The following RAVER2 variants were observed in gnomAD, a reference collection of about 807,000 sequenced individuals.
RAVER2 encodes ribonucleoprotein, PTB binding 2.
RAVER2 carries 46 observed loss-of-function variants against 78.1 expected under a neutral mutation model. The observed-to-expected ratio is 0.59, with a 90% CI of 0.46 to 0.75. The LOEUF (loss-of-function observed/expected upper bound fraction) is 0.75, where lower values mean the gene tolerates loss of function less well. Ranked by LOEUF, RAVER2 falls within the 30% of genes least tolerant of loss-of-function variation. The pLI is 0.00. For missense variants in RAVER2, 793 were observed against 837.5 expected (o/e 0.95, Z 0.66); for synonymous variants, 311 against 313.3 (o/e 0.99, Z 0.08).
intron 1 of RAVER2, among the ~76,000 whole-genome samples, chr1:64,763,750 A>C (rs1395515732): frequency 6.6e-6 from 1 of 152,010 alleles, no homozygotes; most frequent in African/African-American, 2.4e-5. Context: ...AAAAAAAACA[A>C]AAATTAGCTG....
intron 3 of RAVER2, among the ~76,000 whole-genome samples, chr1:64,780,581 T>C (rs1453457904): frequency 6.6e-6 from 1 of 152,218 alleles, no homozygotes; most frequent in Non-Finnish European, 1.5e-5. Flanking sequence ...TTCTCAAAGA[T>C]ATACTAAGCT....
At chr1:64,759,599 C>A (rs759601060) in intron 1 of RAVER2, among the ~76,000 whole-genome samples, 2 of 151,172 alleles carry the variant, frequency 1.3e-5, no homozygotes, top group Non-Finnish European at 1.5e-5. Flanking sequence ...TCACTGCAAG[C>A]TTTGCCTCCC....
intron 5 of RAVER2, among the ~76,000 whole-genome samples, chr1:64,797,912 GTTT>G (rs59410412): frequency 7.0e-6 from 1 of 142,952 alleles, no homozygotes; most frequent in Non-Finnish European, 1.5e-5. Context: ...AAGTAATGTA[GTTT>G]TTTTTTTTCT....
At chr1:64,766,645 T>C (rs1246622690) in intron 1 of RAVER2, among the ~76,000 whole-genome samples, 1 of 152,162 alleles carries the variant, frequency 6.6e-6, no homozygotes, top group African/African-American at 2.4e-5. Flanking sequence ...GCTGAATGAG[T>C]AACATAACAT....
intron 11 of RAVER2, among the ~76,000 whole-genome samples, chr1:64,820,620 G>C (rs1464161259): frequency 6.6e-6 from 1 of 152,168 alleles, no homozygotes; most frequent in African/African-American, 2.4e-5. Context: ...GTGTTCATAA[G>C]TTCTTGTCAT....
intron 1 of RAVER2, among the ~76,000 whole-genome samples, chr1:64,753,330 T>C (rs1651751726): frequency 6.6e-6 from 1 of 152,014 alleles, no homozygotes; most frequent in Non-Finnish European, 1.5e-5. Flanking sequence ...GTTGGGATTA[T>C]AGGTGTAAGC....
intron 2 of RAVER2, among the ~76,000 whole-genome samples, chr1:64,775,598 A>T (rs925627751): frequency 6.6e-5 from 10 of 152,188 alleles, no homozygotes; most frequent in African/African-American, 2.4e-4. Flanking sequence ...ACTGTGTGTG[A>T]CTCTGCCAGG....
intron 10 of RAVER2, among the ~76,000 whole-genome samples, 195 bp downstream of exon 10, chr1:64,813,044 T>C (rs1156529662): frequency 6.6e-6 from 1 of 152,218 alleles, no homozygotes; most frequent in Admixed American, 6.5e-5. Context: ...AGGAAAACAT[T>C]ACAACTCATA....
chr1:64,777,988 A>G, exon 3 of RAVER2: 2 of 1,614,130 alleles, frequency 1.2e-6, no homozygotes, highest in African/African-American at 1.3e-5. Flanking sequence ...TTCAGAGCTC[A>G]TTCATTCTAA....
chr1:64,800,762 C>A (rs549949280), intron 5 of RAVER2, among the ~76,000 whole-genome samples: 1 of 152,114 alleles, frequency 6.6e-6, no homozygotes, highest in East Asian at 1.9e-4. Context: ...TTAAACATTC[C>A]CTCCAATCCT....
Position 64,807,187 on chromosome 1 carries a change from C to T in RAVER2, c.1412-19C>T, listed in dbSNP as rs1293222318. 12 of 1,591,532 alleles carry T rather than the reference C, an allele frequency of 7.5e-6. No individual in the cohort carries two copies. Among genetic ancestry groups the T allele is most frequent in the Admixed American group, 5.2e-5 (3 of 57,306 alleles). ...ATATTTTCTAACTAAAAGCTTTTTG[C>T]ATTTATGGTTTGCTACAGCATCTAG... On this transcript the variant is annotated intron_variant, in intron 8 of 11. Transcript: ENST00000294428.
At chr1:64,818,050 A>G (rs903265815) in intron 11 of RAVER2, among the ~76,000 whole-genome samples, 1 of 152,228 alleles carries the variant, frequency 6.6e-6, no homozygotes, top group African/African-American at 2.4e-5. Flanking sequence ...TTCTTCAGGC[A>G]TGGAAGTAAT....
At chr1:64,830,968 A>C (rs1300379555) in exon 12 of RAVER2, 1 of 1,613,766 alleles carries the variant, frequency 6.2e-7, no homozygotes. Context: ...TTACTTAAAA[A>C]AGAAGCGAGT....
At position 64,745,303 on chromosome 1, in the gene RAVER2, C is replaced by T; in HGVS notation, c.131C>T (p.Pro44Leu). Residue 44 changes from proline (P) to leucine (L), a missense_variant, in exon 1 of 12, where the codon CCG becomes CTG. Coordinates refer to ENST00000294428, the Ensembl canonical transcript of RAVER2. This position sits in a 1 kb window ranked among gnomAD's most constrained non-coding sequence, Gnocchi z 4.3. ...GAAGCGCACGAGGGCGCCCCGGACC[C>T]GATGCCCGCCGCGCTGCACCCTGAG... is the stretch of plus-strand genomic sequence containing the variant. 1 of 1,506,200 alleles carries T rather than the reference C, an allele frequency of 6.6e-7. No homozygotes were observed. Among genetic ancestry groups the T allele is most frequent in the Non-Finnish European group, 8.9e-7 (1 of 1,125,304 alleles). 93.3% of individuals were successfully genotyped at this position (1,506,200 alleles called of 1,614,324 possible).
chr1:64,799,462 T>G (rs1271086174), intron 5 of RAVER2, among the ~76,000 whole-genome samples: 1 of 152,150 alleles, frequency 6.6e-6, no homozygotes, highest in Non-Finnish European at 1.5e-5. Context: ...TTTGTTTTTT[T>G]GAGCTAGTCC....
chr1:64,788,670 T>C (rs1026614505), intron 4 of RAVER2, among the ~76,000 whole-genome samples: 42 of 150,372 alleles, frequency 2.8e-4, no homozygotes, highest in African/African-American at 1.0e-3. Flanking sequence ...CGGGTGCCTA[T>C]AGTCCCAGCT....
chr1:64,787,898 T>TC (rs1309259690), intron 4 of RAVER2, among the ~76,000 whole-genome samples: 2 of 152,198 alleles, frequency 1.3e-5, no homozygotes, highest in African/African-American at 2.4e-5. Flanking sequence ...CTCACAGGCT[T>TC]TATGTCAGTT....
intron 2 of RAVER2, among the ~76,000 whole-genome samples, chr1:64,776,366 G>A (rs17391500): frequency 0.05 from 7,614 of 152,188 alleles, 304 homozygotes; most frequent in Admixed American, 0.14. Context: ...GTTTTCTTGC[G>A]TGTGGGACAT....
rs1285652819 is a variant in RAVER2, at chr1:64,778,106, A to G, written c.786+14A>G. ...GTGTTTTGCCAGGTATGTATTTTTA[A>G]GAGATTATTGAAATATTTTAAAATA... On this transcript the variant is annotated intron_variant, in intron 3 of 11. Coordinates refer to ENST00000294428, the Ensembl canonical transcript of RAVER2. The G allele has an allele frequency of 1.3e-6, 2 of 1,548,090 alleles. No individual in the cohort carries two copies. Among genetic ancestry groups the G allele is most frequent in the South Asian group, 1.2e-5 (1 of 83,534 alleles).
Sources: gnomAD v4.1 joint callset for allele counts (sites outside exome capture counted in the v4.1 genomes callset) on GRCh38, gnomAD v4.1.1 for gene constraint, Gnocchi (gnomAD v3.1) non-coding constraint, MANE v1.5 for transcripts, NCBI Gene and HGNC (gene_info 2026-07-23, HGNC 2026-07-21) for gene names.